PARD6G: variants seen among roughly 807,000 people sequenced by gnomAD.
PARD6G encodes par-6 family cell polarity regulator gamma.
PARD6G carries 7 observed loss-of-function variants against 10.7 expected under a neutral mutation model. The observed-to-expected ratio is 0.66, with a 90% CI of 0.37 to 1.23. The LOEUF is 1.23. Among genes scored for constraint, PARD6G ranks in the 50% most tolerant of loss-of-function variants. PARD6G has a pLI of 0.02. For missense variants in PARD6G, 548 were observed against 571.8 expected (o/e 0.96, Z 0.42); for synonymous variants, 287 against 269.4 (o/e 1.07, Z -0.64).
At chr18:80,163,727 G>C (rs572613186) in intron 2 of PARD6G, among the ~76,000 whole-genome samples, 2 of 152,172 alleles carry the variant, frequency 1.3e-5, no homozygotes, top group African/African-American at 4.8e-5. Flanking sequence ...GCCCCTCCTC[G>C]TAAGGGGCTT....
chr18:80,236,154 C>T (rs148394772), intron 1 of PARD6G, among the ~76,000 whole-genome samples: 3,888 of 152,236 alleles, frequency 0.026, 160 homozygotes, highest in African/African-American at 0.089. Context: ...TTATCCACCA[C>T]GATCAATTGG....
chr18:80,226,831 G>A (rs967397130), intron 1 of PARD6G, among the ~76,000 whole-genome samples: 2 of 152,168 alleles, frequency 1.3e-5, no homozygotes, highest in Non-Finnish European at 2.9e-5. Context: ...ACCCCAAGCA[G>A]CCACAAATTT....
At position 80,209,124 on chromosome 18, in the gene PARD6G, CA is replaced by C. The variant is rs796904159; in HGVS notation, c.73-6193del. 1.5e-3 allele frequency among the ~76,000 whole-genome samples: 210 copies of C among 143,926 alleles called. 1 individual carries two copies. Among genetic ancestry groups the C allele is most frequent in the East Asian group, 4.1e-3 (20 of 4,888 alleles). The allele number at this position is 143,926 out of a possible 152,430, so 94.4% of individuals were successfully genotyped here. A position where few individuals can be genotyped will look rare whatever the true frequency, so the allele number is the denominator to read the frequency against. ...CGAAAAAAGAAAACAAACAAACAAA[CA>C]AAAAAAAAAAACACACCTTTCCCTC... On this transcript the variant is annotated intron_variant, in intron 1 of 2. Coordinates refer to ENST00000353265, the MANE Select transcript of PARD6G (RefSeq NM_032510.4).
At chr18:80,186,074 CCT>C (rs2052874636) in intron 2 of PARD6G, among the ~76,000 whole-genome samples, 1 of 134,136 alleles carries the variant, frequency 7.5e-6, no homozygotes. Context: ...ACACAGGCAC[CCT>C]CACACTCGCA....
intron 2 of PARD6G, among the ~76,000 whole-genome samples, chr18:80,172,972 T>G (rs2052786839): frequency 6.6e-6 from 1 of 152,172 alleles, no homozygotes; most frequent in Non-Finnish European, 1.5e-5. Context: ...GTTGCTCTGG[T>G]AAAAACAAGC....
intron 2 of PARD6G, among the ~76,000 whole-genome samples, chr18:80,168,076 C>T (rs550259693): frequency 2.6e-5 from 4 of 152,234 alleles, no homozygotes; most frequent in South Asian, 2.1e-4. Flanking sequence ...AGAGATGGGC[C>T]GGCCGTGGTC....
At chr18:80,193,161 G>A (rs1251512267) in intron 2 of PARD6G, among the ~76,000 whole-genome samples, 2 of 152,244 alleles carry the variant, frequency 1.3e-5, no homozygotes, top group East Asian at 1.9e-4. Context: ...GCTCGCTCCT[G>A]ACCCTGACGT....
At chr18:80,191,306 C>T (rs1966894337) in intron 2 of PARD6G, among the ~76,000 whole-genome samples, 1 of 152,188 alleles carries the variant, frequency 6.6e-6, no homozygotes, top group African/African-American at 2.4e-5. Context: ...TGCGTGGCCA[C>T]AGCCCAGGCC....
intron 1 of PARD6G, among the ~76,000 whole-genome samples, chr18:80,213,775 G>A (rs1005109994): frequency 1.3e-5 from 2 of 151,886 alleles, no homozygotes; most frequent in East Asian, 3.9e-4. Flanking sequence ...TGGCTAACAC[G>A]ATGAAACCCA....
At chr18:80,242,262 TAAAGTCTTA>T (rs1967498851) in intron 1 of PARD6G, among the ~76,000 whole-genome samples, 2 of 152,250 alleles carry the variant, frequency 1.3e-5, no homozygotes, top group South Asian at 2.1e-4. Flanking sequence ...ACAACAAAAC[TAAAGTCTTA>T]AAAGGGTGTA....
Position 80,160,287 on chromosome 18 carries a change from C to G in PARD6G, c.615G>C (p.Glu205Asp). 6.2e-7 allele frequency: 1 copy of G among 1,612,516 alleles called. No homozygotes were observed. Among genetic ancestry groups the G allele is most frequent in the Non-Finnish European group, 8.5e-7 (1 of 1,179,858 alleles). Residue 205 changes from glutamate (E) to aspartate (D), a missense_variant, in exon 3 of 3, where the codon GAG (glutamate) becomes GAC (aspartate). Physicochemically the swap from Glu to Asp is conservative, Grantham distance 45. Around this residue, in one of 2 missense-constraint regions of PARD6G, gnomAD observed 313 missense variants for 279.9 expected, o/e 1.12. Transcript: ENST00000353265. Reference sequence around the variant, plus strand: ...CATTCACAGCCAGCAGCCCGGTGCTCTCCGCCAGGCCCCCGGGTACCATGC... The same window carrying G: ...CATTCACAGCCAGCAGCCCGGTGCTGTCCGCCAGGCCCCCGGGTACCATGC... ...ISRMVPGGLA[E>D]STGLLAVNDE...
chr18:80,181,373 C>T lies in PARD6G; in HGVS notation c.296-20767G>A, dbSNP rs765600847. On this transcript the variant is annotated intron_variant, in intron 2 of 2. Coordinates refer to ENST00000353265, the MANE Select transcript of PARD6G (RefSeq NM_032510.4). This position sits in a 1 kb window ranked among gnomAD's most constrained non-coding sequence, Gnocchi z 7.9. ...GCCACACACGCCAAGGCAGGCATCA[C>T]GCTCTGGGCACCGGGGGACCCTGCG... Among the ~76,000 whole-genome samples, 5 of 152,154 alleles carry T rather than the reference C, an allele frequency of 3.3e-5. No individual in the cohort carries two copies. Among genetic ancestry groups the T allele is most frequent in the East Asian group, 1.9e-4 (1 of 5,178 alleles).
intron 2 of PARD6G, among the ~76,000 whole-genome samples, chr18:80,179,674 C>A (rs2052837841): frequency 6.6e-6 from 1 of 152,222 alleles, no homozygotes; most frequent in South Asian, 2.1e-4. Flanking sequence ...TGCCCCTGGC[C>A]ACTGCCTGTG....
chr18:80,186,260 A>AC (rs2052876620), intron 2 of PARD6G, among the ~76,000 whole-genome samples: 1 of 141,546 alleles, frequency 7.1e-6, no homozygotes, highest in Non-Finnish European at 1.5e-5. Context: ...ACACACATGC[A>AC]CCCACACATG....
At chr18:80,230,535 T>A (rs770191406) in intron 1 of PARD6G, among the ~76,000 whole-genome samples, 17 of 152,094 alleles carry the variant, frequency 1.1e-4, no homozygotes, top group Admixed American at 2.6e-4. Context: ...TCCAGAGTGA[T>A]GATGGTGCAG....
rs928472384 is a variant in PARD6G at position 80,182,049 on chromosome 18, G to C, written c.295+20661C>G. Among the ~76,000 whole-genome samples the C allele has an allele frequency of 6.6e-6, 1 of 152,228 alleles. No homozygotes were observed. Among genetic ancestry groups the C allele is most frequent in the Admixed American group, 6.5e-5 (1 of 15,282 alleles). On this transcript the variant is annotated intron_variant, in intron 2 of 2. Coordinates refer to ENST00000353265, the MANE Select transcript of PARD6G (RefSeq NM_032510.4). The surrounding 1 kb of genome is among the most constrained non-coding windows in gnomAD (Gnocchi z 4.5). ...TTTTGTTACGCAAGAAACTGAGGCA[G>C]AAAGCAGGGAAGCAACACAGCTGGG...
In PARD6G at chr18:80,158,004, T is replaced by A. The variant is rs1475121647; in HGVS notation, c.*1767A>T. 1 of 152,256 alleles carries A rather than the reference T, an allele frequency of 6.6e-6. No individual in the cohort carries two copies. The highest frequency in any genetic ancestry group is 2.4e-5 in the African/African-American group (1 of 41,470). 9.4% of individuals were successfully genotyped at this position (152,256 alleles called of 1,614,324 possible). On this transcript the variant is annotated 3_prime_UTR_variant, in exon 3 of 3. Coordinates refer to ENST00000353265, the MANE Select transcript of PARD6G (RefSeq NM_032510.4). Reference sequence around the variant, plus strand: ...CAACCTAGAAAAATATTTCTTTACCTGTATCTGTATGAAAGATTTGGTCAG... The same window carrying A: ...CAACCTAGAAAAATATTTCTTTACCAGTATCTGTATGAAAGATTTGGTCAG...
intron 1 of PARD6G, among the ~76,000 whole-genome samples, chr18:80,238,655 T>C (rs918520921): frequency 6.6e-6 from 1 of 152,120 alleles, no homozygotes; most frequent in African/African-American, 2.4e-5. Context: ...GTTCTGCATC[T>C]TGACCACCAA....
intron 2 of PARD6G, among the ~76,000 whole-genome samples, chr18:80,179,251 G>A (rs2145261254): frequency 6.6e-6 from 1 of 151,456 alleles, no homozygotes; most frequent in East Asian, 1.9e-4. Context: ...AAACTGGAGG[G>A]GAACGTTTTT....
Sources: allele counts gnomAD v4.1 joint callset (sites outside exome capture counted in the v4.1 genomes callset), GRCh38; gene constraint gnomAD v4.1.1; regional missense constraint gnomAD v4.1.1; non-coding constraint Gnocchi (gnomAD v3.1); transcripts MANE v1.5; gene names NCBI Gene and HGNC (gene_info 2026-07-23, HGNC 2026-07-21).